Variants in GRM5 observed in about 807,000 individuals in gnomAD.
GRM5 encodes the protein metabotropic glutamate receptor 5.
GRM5 carries 19 observed loss-of-function variants against 83.1 expected under a neutral mutation model. The observed-to-expected ratio is 0.23, with a 90% CI of 0.16 to 0.34. The LOEUF (loss-of-function observed/expected upper bound fraction) is 0.34, where lower values mean the gene tolerates loss of function less well. Among genes scored for constraint, GRM5 ranks in the 10% least tolerant of loss-of-function variants. The pLI, the probability that GRM5 is intolerant of heterozygous loss-of-function variation, is 1.00. For missense variants in GRM5, 1,160 were observed against 1,588.3 expected, an observed-to-expected ratio of 0.73 and a Z score of 4.58; for synonymous variants, 675 against 633.6, an observed-to-expected ratio of 1.07 and a Z score of -0.98.
At chr11:88,595,629 T>C (rs1937777798) in intron 6 of GRM5, among the ~76,000 whole-genome samples, 1 of 152,230 alleles carries the variant, frequency 6.6e-6, no homozygotes. Flanking sequence ...ATAAACTACA[T>C]TTTCCTTATC....
rs1349296944 is a variant in GRM5 at position 88,509,126 on chromosome 11, C to G, written c.3105G>C (p.Thr1035=). 1.3e-6 allele frequency: 2 copies of G among 1,543,756 alleles called. No individual in the cohort carries two copies. Among genetic ancestry groups the G allele is most frequent in the East Asian group, 2.5e-5 (1 of 40,654 alleles). ...AGTGCAGCGACGGCACATCGTCGTC[C>G]GTGCGGCTGGCCGAGCCCGCGCGGT... ...LSHRAGSASR[T]DDDVPSLHSE... is the part of the protein sequence containing the mutation. The change falls in exon 10 of 10, where the codon ACG becomes ACC. Residue 1035 remains threonine, a synonymous_variant. Coordinates refer to ENST00000305447, the MANE Select transcript of GRM5 (RefSeq NM_001143831.3).
chr11:88,721,311 G>T (rs1255288946), intron 3 of GRM5, among the ~76,000 whole-genome samples: 3 of 151,976 alleles, frequency 2.0e-5, no homozygotes, highest in African/African-American at 7.2e-5. Context: ...AAAGGTCCCG[G>T]GAAGAGTTCG....
At chr11:88,796,567 A>G (rs1943278526) in intron 3 of GRM5, among the ~76,000 whole-genome samples, 1 of 152,194 alleles carries the variant, frequency 6.6e-6, no homozygotes, top group Non-Finnish European at 1.5e-5. Flanking sequence ...TATGATAAAA[A>G]AGCCAGGAAC....
In GRM5 at chr11:88,508,586, G is replaced by A. The variant is rs756881891; in HGVS notation, c.*6C>T. 1.9e-6 allele frequency: 3 copies of A among 1,605,412 alleles called. No individual in the cohort carries two copies. The Admixed American group carries it at 5.0e-5, about 27-fold the overall frequency. On this transcript the variant is annotated 3_prime_UTR_variant, in exon 10 of 10. Coordinates refer to ENST00000305447, the MANE Select transcript of GRM5 (RefSeq NM_001143831.3). The surrounding 1 kb of genome is among the most constrained non-coding windows in gnomAD (Gnocchi z 4.2). ...ACGCGCAGGCCGGCGTGCTTTCCAG[G>A]GACATTCACAACGACGAGGAGCTCT... is the stretch of plus-strand genomic sequence containing the variant.
At chr11:88,699,349 C>T (rs1169754913) in intron 3 of GRM5, among the ~76,000 whole-genome samples, 1 of 152,130 alleles carries the variant, frequency 6.6e-6, no homozygotes, top group Admixed American at 6.6e-5. Context: ...AGTTTCCAAA[C>T]TTCTCCCATT....
chr11:88,539,962 C>A (rs529107809), intron 8 of GRM5, among the ~76,000 whole-genome samples: 1 of 152,312 alleles, frequency 6.6e-6, no homozygotes, highest in African/African-American at 2.4e-5. Flanking sequence ...TTTCTCACTA[C>A]ACCGTAAAGT....
At chr11:88,605,084 T>G in intron 4 of GRM5, 120 bp from the exon 5 acceptor site, 1 of 738,928 alleles carries the variant, frequency 1.4e-6, no homozygotes, top group Non-Finnish European at 2.3e-6. Context: ...TTATCAGAGT[T>G]AGAACCATGG....
chr11:88,708,567 A>G (rs1591455684), intron 3 of GRM5, among the ~76,000 whole-genome samples: 3 of 152,238 alleles, frequency 2.0e-5, no homozygotes, highest in African/African-American at 7.2e-5. Flanking sequence ...TTCCATCTCC[A>G]AACATTGAAG....
intron 2 of GRM5, among the ~76,000 whole-genome samples, chr11:88,898,708 T>C (rs1215808746): frequency 6.6e-6 from 1 of 152,008 alleles, no homozygotes; most frequent in African/African-American, 2.4e-5. Flanking sequence ...CTCCCAGGTA[T>C]TTATGTCTCT....
chr11:88,525,303 G>A lies in GRM5; in HGVS notation c.2726+6C>T. ...CACCACCTCAGGCCACTCATAGTTT[G>A]CTTACCTGCTCATTGTTGCTCTCCC... On this transcript the variant is annotated splice_donor_region_variant and intron_variant, in intron 9 of 9. Coordinates refer to ENST00000305447, the MANE Select transcript of GRM5 (RefSeq NM_001143831.3). The A allele has an allele frequency of 6.5e-7, 1 of 1,544,952 alleles. No homozygotes were observed. Among genetic ancestry groups the A allele is most frequent in the Non-Finnish European group, 8.9e-7 (1 of 1,117,714 alleles).
At chr11:88,882,248 G>GTAAATAAATAAATAAATAAA (rs141706389) in intron 2 of GRM5, among the ~76,000 whole-genome samples, 1,704 of 143,956 alleles carry the variant, frequency 0.012, 37 homozygotes, top group African/African-American at 0.038. Flanking sequence ...AAATAAGTAA[G>GTAAATAAATAAATAAATAAA]TAAATAAATA....
chr11:88,834,952 GT>G (rs1246496252), intron 3 of GRM5, among the ~76,000 whole-genome samples: 4 of 151,910 alleles, frequency 2.6e-5, no homozygotes, highest in South Asian at 2.1e-4. Flanking sequence ...GAAGAGAACC[GT>G]TTTTCTGCCT....
intron 2 of GRM5, among the ~76,000 whole-genome samples, chr11:88,997,924 G>C (rs766937962): frequency 1.6e-4 from 24 of 152,074 alleles, no homozygotes; most frequent in Non-Finnish European, 2.5e-4. Context: ...GAAAAGAGAA[G>C]AGTAGGGAGT....
At chr11:89,037,568 A>G (rs1941422641) in intron 2 of GRM5, among the ~76,000 whole-genome samples, 1 of 152,128 alleles carries the variant, frequency 6.6e-6, no homozygotes, top group Admixed American at 6.6e-5. Flanking sequence ...TTTGAGTACA[A>G]ATACTGATTA....
chr11:88,850,301 T>G, intron 2 of GRM5, 146 bp from the exon 3 acceptor site: 1 of 728,006 alleles, frequency 1.4e-6, no homozygotes, highest in South Asian at 1.8e-5. Flanking sequence ...TTTTGCTCTT[T>G]TGCCGAATTG....
At chr11:88,794,934 C>G (rs1259429480) in intron 3 of GRM5, among the ~76,000 whole-genome samples, 1 of 152,228 alleles carries the variant, frequency 6.6e-6, no homozygotes, top group Non-Finnish European at 1.5e-5. Context: ...CCAGAGATCT[C>G]TGATATGGTG....
chr11:88,797,834 A>AG (rs2135482235), intron 3 of GRM5, among the ~76,000 whole-genome samples: 1 of 151,910 alleles, frequency 6.6e-6, no homozygotes, highest in East Asian at 1.9e-4. Context: ...TGTTAAAAAA[A>AG]AAAAGCATTA....
intron 3 of GRM5, among the ~76,000 whole-genome samples, chr11:88,665,162 T>TACACACAC (rs1214459891): frequency 0.034 from 4,856 of 140,952 alleles, 249 homozygotes; most frequent in African/African-American, 0.11. Context: ...TTAATTTATT[T>TACACACAC]ACACACACAC....
intron 3 of GRM5, among the ~76,000 whole-genome samples, chr11:88,804,451 C>A (rs561138393): frequency 6.6e-6 from 1 of 150,978 alleles, no homozygotes; most frequent in South Asian, 2.1e-4. Context: ...AAACCAAACA[C>A]CGCATATTCT....
Sources: allele counts gnomAD v4.1 joint callset (sites outside exome capture counted in the v4.1 genomes callset), GRCh38; gene constraint gnomAD v4.1.1; non-coding constraint Gnocchi (gnomAD v3.1); transcripts MANE v1.5; gene names NCBI Gene and HGNC (gene_info 2026-07-23, HGNC 2026-07-21).